DPYD: variants seen among roughly 807,000 people sequenced by gnomAD.
DPYD encodes the protein dihydropyrimidine dehydrogenase [NADP(+)].
Under a neutral mutation model 116.2 loss-of-function variants are expected in DPYD, and 109 were observed. The observed-to-expected ratio is 0.94, with a 90% CI of 0.80 to 1.10. The LOEUF (loss-of-function observed/expected upper bound fraction) is 1.10, where lower values mean the gene tolerates loss of function less well. DPYD is among the 50% of genes least tolerant of loss of function. The probability of loss-of-function intolerance (pLI) is 0.00; values close to 1 mark genes in which losing one functional copy is unlikely to be tolerated. For missense variants in DPYD, 1,302 were observed against 1,254.5 expected (o/e 1.04, Z -0.57); for synonymous variants, 440 against 432.0 (o/e 1.02, Z -0.23).
chr1:97,623,998 C>T (rs1656781444), intron 8 of DPYD, among the ~76,000 whole-genome samples: 1 of 151,914 alleles, frequency 6.6e-6, no homozygotes, highest in Admixed American at 6.6e-5. Context: ...AATACTGAAA[C>T]ATAAAACCAG....
chr1:97,167,557 G>A (rs967009442), intron 20 of DPYD, among the ~76,000 whole-genome samples: 2 of 152,178 alleles, frequency 1.3e-5, no homozygotes, highest in African/African-American at 4.8e-5. Flanking sequence ...GATGAATTGT[G>A]TGAAGAGTCA....
At chr1:97,175,446 T>C (rs1397885961) in intron 20 of DPYD, among the ~76,000 whole-genome samples, 1 of 152,228 alleles carries the variant, frequency 6.6e-6, no homozygotes, top group Non-Finnish European at 1.5e-5. Context: ...TGACAACAGA[T>C]GCATCTGCCA....
intron 3 of DPYD, among the ~76,000 whole-genome samples, chr1:97,746,347 A>T (rs772215354): frequency 2.6e-5 from 4 of 152,092 alleles, no homozygotes; most frequent in Non-Finnish European, 5.9e-5. Flanking sequence ...TTCTTATTAA[A>T]AATTAAATAT....
chr1:97,531,200 T>C (rs1226666493), intron 12 of DPYD, among the ~76,000 whole-genome samples: 1 of 152,338 alleles, frequency 6.6e-6, no homozygotes, highest in African/African-American at 2.4e-5. Context: ...AAAACCAATG[T>C]CATGAAGCTT....
At chr1:97,546,240 A>G (rs1228393071) in intron 12 of DPYD, 19 of 1,525,086 alleles carry the variant, frequency 1.2e-5, no homozygotes, top group African/African-American at 2.8e-5. Flanking sequence ...TAAAGGACCC[A>G]AGAAAACTGC....
intron 14 of DPYD, among the ~76,000 whole-genome samples, chr1:97,416,669 T>C (rs1252040942): frequency 6.6e-6 from 1 of 152,184 alleles, no homozygotes; most frequent in Non-Finnish European, 1.5e-5. Context: ...AGAAAAGAAT[T>C]CTGTCTGGAA....
At position 97,814,415 on chromosome 1, in the gene DPYD, T is replaced by C. The variant is rs184169617; in HGVS notation, c.233+13699A>G. On this transcript the variant is annotated intron_variant, in intron 3 of 22. Transcript: ENST00000370192. ...GTTCATCCTGGTGATCTGTGGAAAATGGATTTTTAAGGAAAGAATGTAAAA... is the reference window on the plus strand; with the variant it reads ...GTTCATCCTGGTGATCTGTGGAAAACGGATTTTTAAGGAAAGAATGTAAAA... Among the ~76,000 whole-genome samples, 23 of 152,064 alleles carry C rather than the reference T, an allele frequency of 1.5e-4. No individual in the cohort carries two copies. In the East Asian group the frequency reaches 4.3e-3, roughly 28 times the overall value.
chr1:97,227,471 G>A (rs970158240), intron 19 of DPYD, among the ~76,000 whole-genome samples: 6 of 151,292 alleles, frequency 4.0e-5, no homozygotes, highest in African/African-American at 1.5e-4. Context: ...TTTAGCTGAT[G>A]TGATTACTAT....
chr1:97,187,857 A>G (rs1246290047), intron 20 of DPYD, among the ~76,000 whole-genome samples: 1 of 152,004 alleles, frequency 6.6e-6, no homozygotes, highest in Non-Finnish European at 1.5e-5. Context: ...CTTTTTGTCA[A>G]CTTTGTCAAA....
At chr1:97,178,842 A>G (rs890734201) in intron 20 of DPYD, among the ~76,000 whole-genome samples, 1 of 152,160 alleles carries the variant, frequency 6.6e-6, no homozygotes, top group Non-Finnish European at 1.5e-5. Context: ...TACTCAGAAA[A>G]AGTCTGCTGT....
intron 2 of DPYD, among the ~76,000 whole-genome samples, chr1:97,882,977 T>C (rs776997011): frequency 2.6e-5 from 4 of 152,080 alleles, no homozygotes; most frequent in Non-Finnish European, 5.9e-5. Flanking sequence ...ACAGGTTGCA[T>C]ATCCCTTATC....
intron 19 of DPYD, among the ~76,000 whole-genome samples, chr1:97,195,634 G>GTATATATATATATA (rs71071637): frequency 2.9e-4 from 17 of 57,710 alleles, no homozygotes; most frequent in Non-Finnish European, 5.3e-4. Context: ...ATATGTATGT[G>GTATATATATATATA]TATATATATA....
At chr1:97,765,129 G>A (rs1004759923) in intron 3 of DPYD, among the ~76,000 whole-genome samples, 1 of 152,052 alleles carries the variant, frequency 6.6e-6, no homozygotes, top group African/African-American at 2.4e-5. Context: ...TAAATGCCTT[G>A]ACCTTTTTCA....
At chr1:97,652,512 T>C (rs750266565) in intron 8 of DPYD, among the ~76,000 whole-genome samples, 12 of 152,194 alleles carry the variant, frequency 7.9e-5, no homozygotes, top group Non-Finnish European at 1.5e-4. Flanking sequence ...CCAGTAAATT[T>C]ATAATAAACA....
chr1:97,642,253 T>C (rs1190445290), intron 8 of DPYD, among the ~76,000 whole-genome samples: 1 of 152,050 alleles, frequency 6.6e-6, no homozygotes, highest in Admixed American at 6.6e-5. Context: ...TTAAATTTCA[T>C]ATGGAACTAA....
At chr1:97,912,188 A>C (rs1297753750) in intron 1 of DPYD, among the ~76,000 whole-genome samples, 1 of 151,892 alleles carries the variant, frequency 6.6e-6, no homozygotes, top group Non-Finnish European at 1.5e-5. Context: ...ATTCAGTTGA[A>C]GCATGCAAAC....
intron 18 of DPYD, among the ~76,000 whole-genome samples, chr1:97,273,164 A>AT (rs1664712843): frequency 6.6e-6 from 1 of 152,154 alleles, no homozygotes; most frequent in African/African-American, 2.4e-5. Flanking sequence ...ATGACATACA[A>AT]TTTTCAAAAT....
chr1:97,762,442 TCA>T (rs1665627332), intron 3 of DPYD, among the ~76,000 whole-genome samples: 2 of 152,134 alleles, frequency 1.3e-5, no homozygotes, highest in Non-Finnish European at 2.9e-5. Flanking sequence ...CAGGTTATTG[TCA>T]TAGTCCTGCC....
At chr1:97,200,576 A>G (rs1453758962) in intron 19 of DPYD, among the ~76,000 whole-genome samples, 3 of 152,134 alleles carry the variant, frequency 2.0e-5, no homozygotes, top group Non-Finnish European at 4.4e-5. Context: ...CTTCTTACTA[A>G]CCTATTTTGA....
Sources: gnomAD v4.1 joint callset for allele counts (sites outside exome capture counted in the v4.1 genomes callset) on GRCh38, gnomAD v4.1.1 for gene constraint, MANE v1.5 for transcripts, NCBI Gene and HGNC (gene_info 2026-07-23, HGNC 2026-07-21) for gene names.